Variants in SNX13 observed in about 807,000 individuals in gnomAD.
SNX13 encodes the protein sorting nexin 13.
Under a neutral mutation model 133.6 loss-of-function variants are expected in SNX13, and 45 were observed. That is an observed-to-expected ratio of 0.34 (90% CI 0.27 to 0.43). The LOEUF is 0.43. SNX13 is among the 20% of genes least tolerant of loss of function. The pLI is 1.00. For missense variants in SNX13, 1,032 were observed against 1,145.1 expected (o/e 0.90, Z 1.43); for synonymous variants, 414 against 373.9 (o/e 1.11, Z -1.24).
At chr7:17,858,488 TAC>T (rs1354571721) in intron 9 of SNX13, among the ~76,000 whole-genome samples, 2 of 151,996 alleles carry the variant, frequency 1.3e-5, no homozygotes, top group Non-Finnish European at 2.9e-5. Context: ...TGAGAGAAAC[TAC>T]AGAGGCTTCA....
chr7:17,859,407 T>C (rs115489673), intron 9 of SNX13, among the ~76,000 whole-genome samples: 2,168 of 152,128 alleles, frequency 0.014, 36 homozygotes, highest in African/African-American at 0.035. Context: ...AAATTTAAGA[T>C]TGACAATGCT....
chr7:17,872,669 T>C (rs1179850582), intron 8 of SNX13, among the ~76,000 whole-genome samples: 1 of 152,216 alleles, frequency 6.6e-6, no homozygotes, highest in African/African-American at 2.4e-5. Flanking sequence ...TGTTAGGAAA[T>C]TGTATGGTAT....
chr7:17,798,823 C>G lies in SNX13; in HGVS notation c.2445-65G>C. On this transcript the variant is annotated intron_variant, in intron 23 of 25. Coordinates refer to ENST00000428135, the MANE Select transcript of SNX13 (RefSeq NM_015132.5). ...TAGAAGGTGAAAAAAATAAACGTGA[C>G]TTTCATAGAGCAAGCAACTTAATCT... The G allele has an allele frequency of 2.3e-6, 3 of 1,307,866 alleles. No homozygotes were observed. In the South Asian group the frequency reaches 4.0e-5, roughly 18 times the overall value. 81.0% of individuals were successfully genotyped at this position (1,307,866 alleles called of 1,614,324 possible).
rs764442535 is a variant in SNX13 at position 17,845,712 on chromosome 7, T to G, written c.1066-18A>C. On this transcript the variant is annotated intron_variant, in intron 11 of 25. Transcript: ENST00000428135. ...TTTATTTCCTACAGGCAAAAGTGAATATAAGTTAATATTTTATCTAATCAT... is the reference window on the plus strand; with the variant it reads ...TTTATTTCCTACAGGCAAAAGTGAAGATAAGTTAATATTTTATCTAATCAT... The G allele has an allele frequency of 6.9e-7, 1 of 1,459,694 alleles. No individual in the cohort carries two copies. The highest frequency in any genetic ancestry group is 1.3e-5 in the South Asian group (1 of 78,642). The allele number at this position is 1,459,694 out of a possible 1,614,324, so 90.4% of individuals were successfully genotyped here.
At chr7:17,805,515 A>C (rs1785194832) in intron 20 of SNX13, among the ~76,000 whole-genome samples, 1 of 152,172 alleles carries the variant, frequency 6.6e-6, no homozygotes, top group South Asian at 2.1e-4. Context: ...ATAAGCTAAA[A>C]TGTTCACAGA....
At chr7:17,935,590 T>C (rs1801923792) in intron 1 of SNX13, among the ~76,000 whole-genome samples, 1 of 152,194 alleles carries the variant, frequency 6.6e-6, no homozygotes, top group Non-Finnish European at 1.5e-5. Context: ...CTGTACCCCA[T>C]AAATGCATAA....
chr7:17,869,070 T>G (rs1490259665), intron 8 of SNX13, among the ~76,000 whole-genome samples: 3 of 152,120 alleles, frequency 2.0e-5, no homozygotes, highest in African/African-American at 7.2e-5. Flanking sequence ...TCCCATTCTT[T>G]GCAGTTGTTT....
intron 1 of SNX13, among the ~76,000 whole-genome samples, chr7:17,922,879 AAGT>A (rs1367751717): frequency 1.3e-5 from 2 of 152,252 alleles, no homozygotes; most frequent in African/African-American, 4.8e-5. Flanking sequence ...AAAGGTATGA[AAGT>A]AGACATGCAG....
chr7:17,839,905 A>C lies in SNX13; in HGVS notation c.1261T>G (p.Leu421Val), dbSNP rs757069642. ...VTAQQQLEVL[L>V]SRQRDGKHQT... ...TGTTTTCCATCTCTCTGACGACTTAATAAAACTTCTAGCTGCTGTTGGGCG... is the reference window on the plus strand; with the variant it reads ...TGTTTTCCATCTCTCTGACGACTTACTAAAACTTCTAGCTGCTGTTGGGCG... Residue 421 changes from leucine (L) to valine (V), a missense_variant, in exon 13 of 26, where the codon TTA becomes GTA. By Grantham distance (32) the Leu-to-Val change is conservative. Coordinates refer to ENST00000428135, the MANE Select transcript of SNX13 (RefSeq NM_015132.5). 1 of 1,612,174 alleles carries C rather than the reference A, an allele frequency of 6.2e-7. No individual in the cohort carries two copies. Among genetic ancestry groups the C allele is most frequent in the Non-Finnish European group, 8.5e-7 (1 of 1,178,756 alleles).
chr7:17,879,153 A>G (rs1351371762), intron 5 of SNX13, among the ~76,000 whole-genome samples: 3 of 152,144 alleles, frequency 2.0e-5, no homozygotes, highest in African/African-American at 7.2e-5. Flanking sequence ...TTAGAACATT[A>G]ATCTCAGTAA....
At chr7:17,924,120 G>C (rs951545343) in intron 1 of SNX13, among the ~76,000 whole-genome samples, 1 of 151,844 alleles carries the variant, frequency 6.6e-6, no homozygotes. Flanking sequence ...AAAGCAACAA[G>C]GTAAACATAA....
At chr7:17,819,322 A>G (rs1787021386) in intron 18 of SNX13, among the ~76,000 whole-genome samples, 1 of 151,836 alleles carries the variant, frequency 6.6e-6, no homozygotes, top group Non-Finnish European at 1.5e-5. Flanking sequence ...GCTCACTGCA[A>G]TTTCCACCTC....
At chr7:17,818,959 CAG>C (rs1423264954) in intron 18 of SNX13, among the ~76,000 whole-genome samples, 1 of 152,116 alleles carries the variant, frequency 6.6e-6, no homozygotes, top group African/African-American at 2.4e-5. Flanking sequence ...CCAAATAAAA[CAG>C]AAATGCACAG....
At chr7:17,841,465 TAAC>T (rs1164924861) in intron 12 of SNX13, among the ~76,000 whole-genome samples, 5 of 150,956 alleles carry the variant, frequency 3.3e-5, no homozygotes, top group African/African-American at 9.7e-5. Context: ...ACAAAAACAG[TAAC>T]AACAATAAAG....
intron 1 of SNX13, chr7:17,899,004 C>G (rs1395988152): frequency 3.3e-5 from 5 of 152,196 alleles, no homozygotes; most frequent in Non-Finnish European, 5.9e-5. Flanking sequence ...ATTTCACCTA[C>G]AGAAGTGTCC....
chr7:17,822,274 C>G (rs534601060), intron 17 of SNX13, among the ~76,000 whole-genome samples: 4 of 151,966 alleles, frequency 2.6e-5, no homozygotes, highest in Non-Finnish European at 5.9e-5. Context: ...AAAATCAAAG[C>G]CTGTTCCTAT....
intron 18 of SNX13, 116 bp downstream of exon 18, chr7:17,821,393 C>G (rs993590599): frequency 2.0e-6 from 2 of 1,014,634 alleles, no homozygotes; most frequent in African/African-American, 3.2e-5. Context: ...GTGATTATAC[C>G]AAAAATTCTT....
At chr7:17,883,471 T>C (rs1357110876) in intron 5 of SNX13, among the ~76,000 whole-genome samples, 3 of 152,218 alleles carry the variant, frequency 2.0e-5, no homozygotes, top group Non-Finnish European at 4.4e-5. Context: ...CTTCAGAACA[T>C]CTGGACATTT....
At chr7:17,797,299 T>C (rs2128283227) in intron 24 of SNX13, among the ~76,000 whole-genome samples, 1 of 151,930 alleles carries the variant, frequency 6.6e-6, no homozygotes, top group Admixed American at 6.6e-5. Context: ...TACAATATCT[T>C]GAATCTCAAT....
Sources: allele counts gnomAD v4.1 joint callset (sites outside exome capture counted in the v4.1 genomes callset), GRCh38; gene constraint gnomAD v4.1.1; transcripts MANE v1.5; gene names NCBI Gene and HGNC (gene_info 2026-07-23, HGNC 2026-07-21).